Variants in IQGAP1 observed in about 807,000 individuals in gnomAD.
The protein encoded by IQGAP1 is IQ motif containing GTPase activating protein 1.
Under a neutral mutation model 215.6 loss-of-function variants are expected in IQGAP1, and 66 were observed. That is an observed-to-expected ratio of 0.31 (90% confidence interval 0.25 to 0.38). The LOEUF (loss-of-function observed/expected upper bound fraction) is 0.38. IQGAP1 is among the 10% of genes least tolerant of loss of function. IQGAP1 has a pLI of 1.00. For synonymous variants in IQGAP1, 772 were observed against 728.7 expected (o/e 1.06, Z -0.96); for missense variants, 1,712 against 1,997.1 (o/e 0.86, Z 2.72).
Position 90,388,287 on chromosome 15 carries a change from G to T in IQGAP1, c.-55G>T. The T allele has an allele frequency of 6.3e-7, 1 of 1,584,630 alleles. No individual in the cohort carries two copies. ...CTTGGCAGGAGCTGTAGCTACCGCC[G>T]TCCGCGCCTCCAAGGTTTCACGGCT... On this transcript the variant is annotated 5_prime_UTR_variant, in exon 1 of 38. Transcript: ENST00000268182.
chr15:90,466,212 G>A, intron 16 of IQGAP1, 57 bp from the exon 17 acceptor site: 2 of 1,586,816 alleles, frequency 1.3e-6, no homozygotes, highest in Non-Finnish European at 1.7e-6. Flanking sequence ...AGGTGAAGCA[G>A]TATGTGAATT....
In IQGAP1 at chr15:90,399,635, C is replaced by G. The variant is rs568549762; in HGVS notation, c.155+8762C>G. Among the ~76,000 whole-genome samples, 8 of 152,222 alleles carry G rather than the reference C, an allele frequency of 5.3e-5. 1 individual carries two copies. The South Asian group carries it at 1.0e-3, about 20-fold the overall frequency. On this transcript the variant is annotated intron_variant, in intron 2 of 37. Coordinates refer to ENST00000268182, the MANE Select transcript of IQGAP1 (RefSeq NM_003870.4). ...TCTAGATAGTTTAATTTCTCTAAAACCTTGCCAAAATTTTCAGTTTAATAA... is the reference window on the plus strand; with the variant it reads ...TCTAGATAGTTTAATTTCTCTAAAAGCTTGCCAAAATTTTCAGTTTAATAA...
chr15:90,469,031 A>G (rs1173954708), intron 18 of IQGAP1, among the ~76,000 whole-genome samples: 3 of 152,170 alleles, frequency 2.0e-5, no homozygotes, highest in East Asian at 1.9e-4. Flanking sequence ...TATGCCCCCT[A>G]GTAGTTTTTA....
intron 11 of IQGAP1, 49 bp from the exon 12 acceptor site, chr15:90,452,725 CT>C: frequency 6.3e-7 from 1 of 1,588,124 alleles, no homozygotes; most frequent in Non-Finnish European, 8.6e-7. Flanking sequence ...CCTTCTTCCC[CT>C]GAGGGCTCTC....
At chr15:90,485,765 T>A (rs1966117747) in intron 30 of IQGAP1, among the ~76,000 whole-genome samples, 1 of 152,132 alleles carries the variant, frequency 6.6e-6, no homozygotes, top group Admixed American at 6.5e-5. Flanking sequence ...ACAGGGCACA[T>A]TTGAATCCTT....
chr15:90,391,861 G>C (rs1207930234), intron 2 of IQGAP1: 1 of 152,158 alleles, frequency 6.6e-6, no homozygotes, highest in African/African-American at 2.4e-5. Context: ...TGGTGGAAAA[G>C]TCAAGTGAGG....
intron 24 of IQGAP1, 56 bp from the exon 25 acceptor site, chr15:90,477,011 T>C: frequency 6.6e-7 from 1 of 1,521,966 alleles, no homozygotes; most frequent in Admixed American, 1.8e-5. Flanking sequence ...TAATTGAATA[T>C]ATCTTGCCAG....
intron 2 of IQGAP1, among the ~76,000 whole-genome samples, chr15:90,408,692 G>C (rs533651877): frequency 6.6e-6 from 1 of 152,126 alleles, no homozygotes; most frequent in Non-Finnish European, 1.5e-5. Context: ...CTACCTTCCT[G>C]CATCGTGGCT....
chr15:90,460,336 T>C (rs1308172975), intron 15 of IQGAP1, among the ~76,000 whole-genome samples: 1 of 152,106 alleles, frequency 6.6e-6, no homozygotes, highest in Non-Finnish European at 1.5e-5. Context: ...CATCCAGGAA[T>C]ATGTCAAGTT....
intron 9 of IQGAP1, among the ~76,000 whole-genome samples, chr15:90,447,130 A>G (rs1797885067): frequency 6.6e-6 from 1 of 152,200 alleles, no homozygotes; most frequent in African/African-American, 2.4e-5. Flanking sequence ...TTTGCAACAT[A>G]TAGCAGATCC....
Position 90,388,267 on chromosome 15 carries a change from C to A in IQGAP1, c.-75C>A. 6.5e-7 allele frequency: 1 copy of A among 1,528,862 alleles called. No homozygotes were observed. Among genetic ancestry groups the A allele is most frequent in the Non-Finnish European group, 8.9e-7 (1 of 1,122,804 alleles). 94.7% of individuals were successfully genotyped at this position (1,528,862 alleles called of 1,614,324 possible). On this transcript the variant is annotated 5_prime_UTR_variant, in exon 1 of 38. Coordinates refer to ENST00000268182, the MANE Select transcript of IQGAP1 (RefSeq NM_003870.4). ...GACCCCGGCAAGCCCGCGCACTTGG[C>A]AGGAGCTGTAGCTACCGCCGTCCGC...
In IQGAP1 at chr15:90,482,229, AG is replaced by A; in HGVS notation, c.3505del (p.Asp1169ThrfsTer16). On this transcript the variant is annotated frameshift_variant, in exon 28 of 38. Transcript: ENST00000268182. LOFTEE classifies it high-confidence loss of function. ...YGMRFIAKVL[K>X]DSLHEKFPDA... ...ATGCGCTTCATTGCCAAAGTGCTGA[AG>A]GACTCGTTGCATGAGAAGTTCCCTG... 6.2e-7 allele frequency: 1 copy of A among 1,614,216 alleles called. No homozygotes were observed. The highest frequency in any genetic ancestry group is 8.5e-7 in the Non-Finnish European group (1 of 1,180,030).
Position 90,473,892 on chromosome 15 carries a change from A to G in IQGAP1, c.2434-4A>G, listed in dbSNP as rs1965940406. On this transcript the variant is annotated splice_polypyrimidine_tract_variant and splice_region_variant and intron_variant, in intron 20 of 37. Coordinates refer to ENST00000268182, the MANE Select transcript of IQGAP1 (RefSeq NM_003870.4). The stretch of plus-strand genomic sequence containing the variant: ...TTCTAATTTCCAGGATCCCTTTTCC[A>G]CAGATTCAGTCCCTGGCAAGGATGC... 1.2e-6 allele frequency: 2 copies of G among 1,613,836 alleles called. No individual in the cohort carries two copies. Among genetic ancestry groups the G allele is most frequent in the African/African-American group, 1.3e-5 (1 of 74,944 alleles).
chr15:90,416,159 A>G (rs1459967018), intron 2 of IQGAP1, among the ~76,000 whole-genome samples: 1 of 152,032 alleles, frequency 6.6e-6, no homozygotes, highest in African/African-American at 2.4e-5. Flanking sequence ...TCCTAATGCT[A>G]TCCCTCCCGC....
At chr15:90,488,203 A>G (rs935351912) in intron 33 of IQGAP1, among the ~76,000 whole-genome samples, 7 of 151,530 alleles carry the variant, frequency 4.6e-5, no homozygotes, top group African/African-American at 1.7e-4. Context: ...CCTGGGCGAC[A>G]GAGCGAGACT....
At position 90,501,436 on chromosome 15, in the gene IQGAP1, G is replaced by C. The variant is rs1165783376; in HGVS notation, c.*1328G>C. The C allele has an allele frequency of 6.7e-6, 1 of 150,198 alleles. No homozygotes were observed. Among genetic ancestry groups the C allele is most frequent in the Admixed American group, 6.6e-5 (1 of 15,086 alleles). 9.3% of individuals were successfully genotyped at this position (150,198 alleles called of 1,614,324 possible). On this transcript the variant is annotated 3_prime_UTR_variant, in exon 38 of 38. Coordinates refer to ENST00000268182, the MANE Select transcript of IQGAP1 (RefSeq NM_003870.4). ...CAGGAAAATATATTGAAATCATGCT[G>C]CTGAGCCTCTATTTTCTTTCTTTGA...
rs1267947129 is a variant in IQGAP1 at position 90,491,443 on chromosome 15, A to G, written c.4359A>G (p.Gln1453=). The stretch of plus-strand genomic sequence containing the variant: ...AGGAAGACAGCAACCTCACTCTTCA[A>G]GAGAAGAAAGAGAAGATCCAGACAG... The part of the protein sequence containing the change: ...SVKEDSNLTL[Q]EKKEKIQTGL... Residue 1453 remains glutamine (Q), a synonymous_variant, in exon 34 of 38, where the codon CAA becomes CAG. Coordinates refer to ENST00000268182, the MANE Select transcript of IQGAP1 (RefSeq NM_003870.4). The G allele has an allele frequency of 1.5e-5, 25 of 1,614,028 alleles. No homozygotes were observed. The highest frequency in any genetic ancestry group is 2.2e-5 in the East Asian group (1 of 44,902).
chr15:90,416,233 C>A (rs1965045782), intron 2 of IQGAP1, among the ~76,000 whole-genome samples: 1 of 151,092 alleles, frequency 6.6e-6, no homozygotes, highest in South Asian at 2.1e-4. Flanking sequence ...AGGACATGAA[C>A]TCATCCTTTT....
intron 9 of IQGAP1, among the ~76,000 whole-genome samples, chr15:90,448,311 T>G (rs1291505413): frequency 6.6e-6 from 1 of 152,120 alleles, no homozygotes; most frequent in East Asian, 1.9e-4. Context: ...GCTGTCTACA[T>G]TTGGAAGTTT....
Sources: gnomAD v4.1 joint callset for allele counts (sites outside exome capture counted in the v4.1 genomes callset) on GRCh38, gnomAD v4.1.1 for gene constraint, MANE v1.5 for transcripts, NCBI Gene and HGNC (gene_info 2026-07-23, HGNC 2026-07-21) for gene names.